TRPC4: variants seen among roughly 807,000 people sequenced by gnomAD.
TRPC4 encodes short transient receptor potential channel 4.
TRPC4 carries 49 observed loss-of-function variants against 99.4 expected under a neutral mutation model. The ratio of observed to expected loss-of-function variants is 0.49; its 90% CI spans 0.39 to 0.63. TRPC4 has a LOEUF of 0.63. Ranked by LOEUF, TRPC4 falls within the 20% of genes least tolerant of loss-of-function variation. TRPC4 has a pLI of 0.00. For missense variants in TRPC4, 898 were observed against 1,152.9 expected (o/e 0.78, Z 3.20); for synonymous variants, 454 against 425.9 (o/e 1.07, Z -0.81).
intron 2 of TRPC4, among the ~76,000 whole-genome samples, chr13:37,776,769 CAA>C (rs1956717394): frequency 1.3e-5 from 2 of 151,826 alleles, no homozygotes; most frequent in Non-Finnish European, 2.9e-5. Flanking sequence ...CCAATGAATA[CAA>C]GAGTTAAAAG....
intron 1 of TRPC4, among the ~76,000 whole-genome samples, chr13:37,848,610 T>C (rs1185702146): frequency 6.6e-6 from 1 of 152,072 alleles, no homozygotes; most frequent in Non-Finnish European, 1.5e-5. Flanking sequence ...GTCTCTCCAA[T>C]ATGACACACA....
intron 3 of TRPC4, among the ~76,000 whole-genome samples, chr13:37,730,845 A>G (rs1355089234): frequency 2.6e-5 from 4 of 152,068 alleles, no homozygotes; most frequent in African/African-American, 9.6e-5. Context: ...TGATCAGAAT[A>G]AGTACCTATA....
At chr13:37,673,462 T>C (rs1257882010) in intron 5 of TRPC4, among the ~76,000 whole-genome samples, 3 of 49,754 alleles carry the variant, frequency 6.0e-5, no homozygotes, top group African/African-American at 2.0e-4. Flanking sequence ...CCCAATTAGA[T>C]ATTCTTTATT....
intron 3 of TRPC4, among the ~76,000 whole-genome samples, chr13:37,736,396 C>CT (rs758531260): frequency 2.4e-4 from 37 of 152,124 alleles, no homozygotes; most frequent in Non-Finnish European, 5.4e-4. Context: ...TGCCTTATAT[C>CT]TTTTTTCTAC....
At chr13:37,639,422 C>T in intron 8 of TRPC4, 123 bp from the exon 9 acceptor site, 1 of 899,780 alleles carries the variant, frequency 1.1e-6, no homozygotes, top group African/African-American at 1.7e-5. Flanking sequence ...TTTTACTAGT[C>T]AATGGACAAT....
intron 1 of TRPC4, among the ~76,000 whole-genome samples, chr13:37,862,710 C>A (rs1462102964): frequency 3.3e-5 from 5 of 151,572 alleles, no homozygotes; most frequent in Admixed American, 1.3e-4. Flanking sequence ...GGCTTATGAA[C>A]AAACTTTGCT....
At chr13:37,736,351 G>C (rs1208718212) in intron 3 of TRPC4, among the ~76,000 whole-genome samples, 1 of 152,126 alleles carries the variant, frequency 6.6e-6, no homozygotes, top group Non-Finnish European at 1.5e-5. Flanking sequence ...ATGCTCTACA[G>C]AACAGCAGGA....
At position 37,772,351 on chromosome 13, in the gene TRPC4, C is replaced by T. The variant is rs1956576908; in HGVS notation, c.378+10605G>A. Among the ~76,000 whole-genome samples, 4 of 151,528 alleles carry T rather than the reference C, an allele frequency of 2.6e-5. No homozygotes were observed. The South Asian group carries it at 8.3e-4, about 31-fold the overall frequency. On this transcript the variant is annotated intron_variant, in intron 2 of 10. Transcript: ENST00000379705. ...GGGGGAAAGCATGCCCAAGCAAAGC[C>T]TAAGAGGACTACCCCAATGAACAAA...
chr13:37,782,665 T>C (rs1956869733), intron 2 of TRPC4, among the ~76,000 whole-genome samples: 1 of 152,182 alleles, frequency 6.6e-6, no homozygotes, highest in South Asian at 2.1e-4. Flanking sequence ...GAGCATTACA[T>C]AGAAATGTTT....
intron 3 of TRPC4, 96 bp downstream of exon 3, chr13:37,745,841 T>C (rs1174977156): frequency 7.4e-7 from 1 of 1,350,942 alleles, no homozygotes; most frequent in Non-Finnish European, 1.0e-6. Context: ...GAATAGAAAA[T>C]GCTCTAAAAC....
rs560074249 is a variant in TRPC4 at position 37,787,268 on chromosome 13, C to G, written c.-27-3908G>C. Among the ~76,000 whole-genome samples, 26 of 152,068 alleles carry G rather than the reference C, an allele frequency of 1.7e-4. 1 individual carries two copies. The South Asian group carries it at 5.2e-3, about 30-fold the overall frequency. ...AAAGATACATGTTTACGGATGTAAT[C>G]TCATGACACAGTAAGAAACAACTCC... On this transcript the variant is annotated intron_variant, in intron 1 of 10. Coordinates refer to ENST00000379705, the MANE Select transcript of TRPC4 (RefSeq NM_016179.4).
At chr13:37,710,071 G>A (rs986599266) in intron 3 of TRPC4, among the ~76,000 whole-genome samples, 2 of 151,930 alleles carry the variant, frequency 1.3e-5, no homozygotes, top group African/African-American at 2.4e-5. Context: ...GCACATTATA[G>A]TACTGGCTTA....
intron 2 of TRPC4, among the ~76,000 whole-genome samples, chr13:37,749,036 T>C (rs1222493987): frequency 6.6e-6 from 1 of 152,094 alleles, no homozygotes; most frequent in African/African-American, 2.4e-5. Context: ...ATCATGGGGA[T>C]GGTTTCTCCC....
At position 37,639,099 on chromosome 13, in the gene TRPC4, C is replaced by T. The variant is rs377547600; in HGVS notation, c.2152G>A (p.Val718Ile). Residue 718 changes from valine (V) to isoleucine (I), a missense_variant, in exon 10 of 11, where the codon GTT becomes ATT. Around this residue, in one of 3 missense-constraint regions of TRPC4, gnomAD observed 346 missense variants for 351.4 expected, o/e 0.98. Coordinates refer to ENST00000379705, the MANE Select transcript of TRPC4 (RefSeq NM_016179.4). ...EVMRNLVKRY[V>I]AAMIRDAKTE... ...TTAGCATCTCTAATCATTGCAGCAA[C>T]GTATCGCTTCACCAGGTTCCTCATA... 27 of 1,613,538 alleles carry T rather than the reference C, an allele frequency of 1.7e-5. No individual in the cohort carries two copies. Among genetic ancestry groups the T allele is most frequent in the Admixed American group, 5.0e-5 (3 of 59,980 alleles).
rs371216145 is a variant in TRPC4, at chr13:37,824,895, C to G, written c.-27-41535G>C. 3.9e-5 allele frequency among the ~76,000 whole-genome samples: 6 copies of G among 152,256 alleles called. No individual in the cohort carries two copies. In the South Asian group the frequency reaches 6.2e-4, roughly 16 times the overall value. On this transcript the variant is annotated intron_variant, in intron 1 of 10. Coordinates refer to ENST00000379705, the MANE Select transcript of TRPC4 (RefSeq NM_016179.4). The stretch of plus-strand genomic sequence containing the variant: ...TGGCAGAATTCGGCTGTGAATCCAT[C>G]TGGTCCTGGACTCTTTTTGGTTGGT...
rs181821757 is a variant in TRPC4, at chr13:37,837,833, G to A, written c.-28+31762C>T. On this transcript the variant is annotated intron_variant, in intron 1 of 10. Coordinates refer to ENST00000379705, the MANE Select transcript of TRPC4 (RefSeq NM_016179.4). ...AGGGGTGGCATGATATGGTTTGGCTGTGTCCCCACTCAAATCTCATCTTGA... is the reference window on the plus strand; with the variant it reads ...AGGGGTGGCATGATATGGTTTGGCTATGTCCCCACTCAAATCTCATCTTGA... 2.5e-3 allele frequency among the ~76,000 whole-genome samples: 381 copies of A among 152,262 alleles called. 1 individual carries two copies. The highest frequency in any genetic ancestry group is 8.9e-3 in the African/African-American group (371 of 41,556).
At chr13:37,752,976 C>CCA (rs4054480) in intron 2 of TRPC4, among the ~76,000 whole-genome samples, 15 of 150,560 alleles carry the variant, frequency 1.0e-4, no homozygotes, top group African/African-American at 2.7e-4. Context: ...CTTTCTCCCT[C>CCA]CACACACACA....
intron 3 of TRPC4, among the ~76,000 whole-genome samples, chr13:37,726,524 A>C (rs1363205709): frequency 6.6e-6 from 1 of 152,180 alleles, no homozygotes; most frequent in Non-Finnish European, 1.5e-5. Context: ...GTAATTACAA[A>C]AAACAGCTAT....
rs74047190 is a variant in TRPC4, at chr13:37,812,937, C to T, written c.-27-29577G>A. Among the ~76,000 whole-genome samples, 980 of 151,640 alleles carry T rather than the reference C, an allele frequency of 6.5e-3. 13 individuals carry two copies. Among genetic ancestry groups the T allele is most frequent in the African/African-American group, 0.022 (930 of 41,396 alleles). On this transcript the variant is annotated intron_variant, in intron 1 of 10. Coordinates refer to ENST00000379705, the MANE Select transcript of TRPC4 (RefSeq NM_016179.4). ...AAAGAGAAACAAAGATAAGCAACGA[C>T]AACTAACTTCTCATTGGAAAAACAC...
Sources: allele counts gnomAD v4.1 joint callset (sites outside exome capture counted in the v4.1 genomes callset), GRCh38; gene constraint gnomAD v4.1.1; regional missense constraint gnomAD v4.1.1; transcripts MANE v1.5; gene names NCBI Gene and HGNC (gene_info 2026-07-23, HGNC 2026-07-21).